MISP: variants seen among roughly 807,000 people sequenced by gnomAD.
MISP encodes mitotic spindle positioning.
Under a neutral mutation model 49.3 loss-of-function variants are expected in MISP, and 51 were observed. The ratio of observed to expected loss-of-function variants is 1.03; its 90% CI spans 0.83 to 1.31. The LOEUF is 1.31. MISP is among the 50% of genes most tolerant of loss of function. The pLI, the probability that MISP is intolerant of heterozygous loss-of-function variation, is 0.00. For synonymous variants in MISP, 444 were observed against 392.6 expected, an observed-to-expected ratio of 1.13 and a Z score of -1.55; for missense variants, 1,084 against 935.1, an observed-to-expected ratio of 1.16 and a Z score of -2.08.
intron 1 of MISP, among the ~76,000 whole-genome samples, chr19:753,113 G>A (rs368891175): frequency 6.6e-6 from 1 of 152,240 alleles, no homozygotes; most frequent in African/African-American, 2.4e-5. Context: ...CTGGGCAGGC[G>A]GCGTCCACGG....
In MISP at chr19:763,787, A is replaced by G; in HGVS notation, c.*197A>G. On this transcript the variant is annotated 3_prime_UTR_variant, in exon 5 of 5. Transcript: ENST00000215582. Reference sequence around the variant, plus strand: ...TTTCCGTTTCTATCTTCCTTTAGAAATGTTTCTGCCTTTGGGGTCTAAAGC... The same window carrying G: ...TTTCCGTTTCTATCTTCCTTTAGAAGTGTTTCTGCCTTTGGGGTCTAAAGC... 1 of 570,832 alleles carries G rather than the reference A, an allele frequency of 1.8e-6. No individual in the cohort carries two copies. The highest frequency in any genetic ancestry group is 3.1e-6 in the Non-Finnish European group (1 of 319,826). The allele number at this position is 570,832 out of a possible 1,614,324, so 35.4% of individuals were successfully genotyped here. A position where few individuals can be genotyped will look rare whatever the true frequency, so the allele number is the denominator to read the frequency against.
At chr19:750,188 C>CTTTTTT (rs71174321), upstream of MISP, among the ~76,000 whole-genome samples, 3 of 112,644 alleles carry the variant, frequency 2.7e-5, no homozygotes, top group Non-Finnish European at 5.2e-5. Flanking sequence ...TCGTGCGGTT[C>CTTTTTT]TTTTTTTTTT....
At chr19:755,532 C>G (rs929926168) in intron 1 of MISP, among the ~76,000 whole-genome samples, 3 of 152,118 alleles carry the variant, frequency 2.0e-5, no homozygotes, top group African/African-American at 7.2e-5. Flanking sequence ...CTGTAATTGT[C>G]AGATGGAAAA....
intron 2 of MISP, among the ~76,000 whole-genome samples, chr19:759,501 G>A (rs562670541): frequency 7.4e-5 from 11 of 149,604 alleles, no homozygotes; most frequent in South Asian, 2.1e-4. Context: ...CCGGGTTCAC[G>A]CCATTCTCTC....
chr19:750,275 C>A (rs973322837), upstream of MISP, among the ~76,000 whole-genome samples: 3 of 145,192 alleles, frequency 2.1e-5, no homozygotes, highest in African/African-American at 7.8e-5. Flanking sequence ...TCTCGGCTCA[C>A]TGCAACCTCC....
At chr19:756,824 AC>A (rs2033556770) in intron 1 of MISP, 65 bp from the exon 2 acceptor site, 2 of 786,600 alleles carry the variant, frequency 2.5e-6, no homozygotes, top group South Asian at 1.9e-5. Flanking sequence ...CCTTTGGGGG[AC>A]TGGAGGCTGT....
In MISP at chr19:757,228, T is replaced by A; in HGVS notation, c.282T>A (p.Val94=). 6.2e-7 allele frequency: 1 copy of A among 1,613,720 alleles called. No homozygotes were observed. Among genetic ancestry groups the A allele is most frequent in the East Asian group, 2.2e-5 (1 of 44,876 alleles). The stretch of plus-strand genomic sequence containing the variant: ...ACAGGGAGGATGAGGGTTGGCAGGT[T>A]TACCGCCTGGGCGCCAGGGATGCCC... The part of the protein sequence containing the change: ...SENREDEGWQ[V]YRLGARDAHQ... The change falls in exon 2 of 5, where the codon GTT becomes GTA. Residue 94 remains valine (V), a synonymous_variant. Coordinates refer to ENST00000215582, the MANE Select transcript of MISP (RefSeq NM_173481.4).
At position 761,427 on chromosome 19, in the gene MISP, G is replaced by C. The variant is rs543262556; in HGVS notation, c.1912-198G>C. Among the ~76,000 whole-genome samples the C allele has an allele frequency of 1.1e-4, 17 of 152,132 alleles. No homozygotes were observed. The South Asian group carries it at 3.3e-3, about 30-fold the overall frequency. On this transcript the variant is annotated intron_variant, in intron 3 of 4. Coordinates refer to ENST00000215582, the MANE Select transcript of MISP (RefSeq NM_173481.4). ...AATGTTGGACAGAGGCTGCACTGAG[G>C]GGAACAGCATGAGGAACAGCAAGGG...
chr19:753,715 T>A (rs8112421), intron 1 of MISP, among the ~76,000 whole-genome samples: 8,279 of 151,834 alleles, frequency 0.055, 565 homozygotes, highest in East Asian at 0.35. Context: ...TGCTGGTTGG[T>A]GTAAAGGCAG....
chr19:759,492 C>T (rs543825022), intron 2 of MISP, among the ~76,000 whole-genome samples: 2 of 150,110 alleles, frequency 1.3e-5, no homozygotes, highest in African/African-American at 2.5e-5. Context: ...CTCCGCCTCC[C>T]GGGTTCACGC....
rs375984175 is a variant in MISP, at chr19:763,450, T to C, written c.1951-51T>C. 1.5e-5 allele frequency: 20 copies of C among 1,344,346 alleles called. No homozygotes were observed. The African/African-American group carries it at 2.9e-4, about 19-fold the overall frequency. 83.3% of individuals were successfully genotyped at this position (1,344,346 alleles called of 1,614,324 possible). ...GAATTGGCAGTTGGAGGAGACATCT[T>C]GGGGGTGTGGTAGGACCTGGATCGG... On this transcript the variant is annotated intron_variant, in intron 4 of 4. Coordinates refer to ENST00000215582, the MANE Select transcript of MISP (RefSeq NM_173481.4).
chr19:756,842 C>T (rs540709850), intron 1 of MISP, 48 bp from the exon 2 acceptor site: 28 of 962,696 alleles, frequency 2.9e-5, no homozygotes, highest in Middle Eastern at 4.8e-4. Context: ...CTGTTCCTCT[C>T]CCTAGGTGCT....
rs139858549 is a variant in MISP at position 758,612 on chromosome 19, C to T, written c.1666C>T (p.Arg556Cys). ...LLERERESVLRREQEVAEERR... is the reference protein window; with the variant it reads ...LLERERESVLCREQEVAEERR... Reference sequence around the variant, plus strand: ...GGAAAGGGAGAGGGAGAGTGTCCTGCGCCGGGAGCAAGAGGTGGCAGAGGA... The same window carrying T: ...GGAAAGGGAGAGGGAGAGTGTCCTGTGCCGGGAGCAAGAGGTGGCAGAGGA... The change falls in exon 2 of 5, where the codon CGC becomes TGC. Residue 556 changes from arginine (R) to cysteine (C), a missense_variant. Arg to Cys is a radical substitution (Grantham distance 180). Transcript: ENST00000215582. The T allele has an allele frequency of 2.8e-5, 45 of 1,614,228 alleles. No homozygotes were observed. Among genetic ancestry groups the T allele is most frequent in the East Asian group, 2.5e-4 (11 of 44,888 alleles).
chr19:756,419 T>C (rs897806822), intron 1 of MISP, among the ~76,000 whole-genome samples: 11 of 151,986 alleles, frequency 7.2e-5, no homozygotes, highest in African/African-American at 2.4e-4. Context: ...GATGCTCTGA[T>C]TGATCAGGAT....
At chr19:756,480 C>G (rs1335292881) in intron 1 of MISP, among the ~76,000 whole-genome samples, 1 of 152,072 alleles carries the variant, frequency 6.6e-6, no homozygotes, top group African/African-American at 2.4e-5. Flanking sequence ...GAATGGGCTA[C>G]TCTGACTGGC....
chr19:750,447 G>A (rs1177647111), upstream of MISP, among the ~76,000 whole-genome samples: 4 of 152,034 alleles, frequency 2.6e-5, no homozygotes, highest in African/African-American at 9.7e-5. Context: ...TGATCCGCCC[G>A]CCTCGGCCTC....
At chr19:760,729 G>A (rs1316926626) in intron 3 of MISP, among the ~76,000 whole-genome samples, 1 of 151,836 alleles carries the variant, frequency 6.6e-6, no homozygotes, top group Non-Finnish European at 1.5e-5. Context: ...GAGGGATGGA[G>A]GGAAGGAAGG....
upstream of MISP, among the ~76,000 whole-genome samples, chr19:749,603 G>A (rs2033428281): frequency 6.6e-6 from 1 of 152,320 alleles, no homozygotes; most frequent in South Asian, 2.1e-4. Context: ...GGCTGAGGCG[G>A]GGGCATCACC....
chr19:752,478 C>T (rs1267991720), intron 1 of MISP, among the ~76,000 whole-genome samples: 3 of 150,096 alleles, frequency 2.0e-5, no homozygotes, highest in Non-Finnish European at 3.0e-5. Flanking sequence ...GAATGGAGAT[C>T]GCGCCACTGC....
Sources: allele counts gnomAD v4.1 joint callset (sites outside exome capture counted in the v4.1 genomes callset), GRCh38; gene constraint gnomAD v4.1.1; transcripts MANE v1.5; gene names NCBI Gene and HGNC (gene_info 2026-07-23, HGNC 2026-07-21).